The following ADGRL2 variants were observed in gnomAD, a reference collection of about 807,000 sequenced individuals.
The protein encoded by ADGRL2 is calcium-independent alpha-latrotoxin receptor 2.
ADGRL2 carries 44 observed loss-of-function variants against 157.4 expected under a neutral mutation model. The ratio of observed to expected loss-of-function variants is 0.28; its 90% CI spans 0.22 to 0.36. The LOEUF is 0.36. Among genes scored for constraint, ADGRL2 ranks in the 10% least tolerant of loss-of-function variants. ADGRL2 has a pLI of 1.00. For synonymous variants in ADGRL2, 585 were observed against 624.7 expected, an observed-to-expected ratio of 0.94 and a Z score of 0.95; for missense variants, 1,510 against 1,768.9, an observed-to-expected ratio of 0.85 and a Z score of 2.63.
In ADGRL2 at chr1:81,992,039, C is replaced by G. The variant is rs749942942; in HGVS notation, c.*894C>G. 5 of 152,422 alleles carry G rather than the reference C, an allele frequency of 3.3e-5. No homozygotes were observed. The highest frequency in any genetic ancestry group is 1.3e-4 in the Admixed American group (2 of 15,250). The allele number at this position is 152,422 out of a possible 1,614,324, so 9.4% of individuals were successfully genotyped here. A position where few individuals can be genotyped will look rare whatever the true frequency, so the allele number is the denominator to read the frequency against. On this transcript the variant is annotated 3_prime_UTR_variant, in exon 24 of 24. Transcript: ENST00000686636. The stretch of plus-strand genomic sequence containing the variant: ...AAAGAACGTGTTTTATGGGGAGAAA[C>G]AAACTCTTTGAAGCCAGTTATGTCA...
At chr1:81,614,078 T>G (rs2081595558) in intron 3 of ADGRL2, among the ~76,000 whole-genome samples, 1 of 152,190 alleles carries the variant, frequency 6.6e-6, no homozygotes, top group Non-Finnish European at 1.5e-5. Context: ...ACACTTCCAC[T>G]TAGTTCAATA....
chr1:81,337,410 T>C (rs575048249), intron 1 of ADGRL2, among the ~76,000 whole-genome samples: 31 of 152,242 alleles, frequency 2.0e-4, no homozygotes, highest in Middle Eastern at 3.4e-3. Flanking sequence ...GAAGCGCTCA[T>C]CCCAGACCCT....
intron 1 of ADGRL2, among the ~76,000 whole-genome samples, chr1:81,309,372 A>G (rs1239277430): frequency 6.6e-6 from 1 of 152,146 alleles, no homozygotes; most frequent in Non-Finnish European, 1.5e-5. Context: ...CATTTCAAAG[A>G]TAAAGAGAGG....
intron 3 of ADGRL2, among the ~76,000 whole-genome samples, chr1:81,611,877 C>T (rs2081548152): frequency 1.3e-5 from 2 of 152,042 alleles, no homozygotes; most frequent in Non-Finnish European, 1.5e-5. Flanking sequence ...ATGCTGTTCT[C>T]GTGCTGGTGA....
intron 1 of ADGRL2, among the ~76,000 whole-genome samples, chr1:81,396,843 AT>A (rs1189082083): frequency 2.6e-5 from 4 of 152,200 alleles, no homozygotes; most frequent in Non-Finnish European, 4.4e-5. Flanking sequence ...ATCATGTTGA[AT>A]AGCTTTTTCA....
chr1:81,819,271 G>C (rs553354686), intron 1 of ADGRL2, among the ~76,000 whole-genome samples: 5 of 152,152 alleles, frequency 3.3e-5, no homozygotes, highest in East Asian at 1.9e-4. Flanking sequence ...GATTGAATGC[G>C]AGGTAAAGGA....
At chr1:81,693,674 C>T (rs777098905) in intron 3 of ADGRL2, among the ~76,000 whole-genome samples, 9 of 152,112 alleles carry the variant, frequency 5.9e-5, no homozygotes, top group Admixed American at 1.3e-4. Flanking sequence ...ATTTATTTGT[C>T]AAAAATGTTC....
intron 2 of ADGRL2, among the ~76,000 whole-genome samples, chr1:81,470,453 C>T (rs139006774): frequency 1.3e-4 from 20 of 152,246 alleles, no homozygotes; most frequent in African/African-American, 3.4e-4. Flanking sequence ...CTTTCTTGTT[C>T]GCATGCCCTT....
chr1:81,849,357 CA>C (rs1314893586), intron 2 of ADGRL2, among the ~76,000 whole-genome samples: 1 of 151,826 alleles, frequency 6.6e-6, no homozygotes, highest in African/African-American at 2.4e-5. Flanking sequence ...TGTTAAGCAA[CA>C]ATAAAACCCC....
At chr1:81,617,619 T>C (rs900349495) in intron 3 of ADGRL2, among the ~76,000 whole-genome samples, 2 of 152,260 alleles carry the variant, frequency 1.3e-5, no homozygotes, top group African/African-American at 4.8e-5. Flanking sequence ...TTTACAATTA[T>C]ATCATTGATA....
intron 2 of ADGRL2, among the ~76,000 whole-genome samples, chr1:81,876,679 C>G (rs866024850): frequency 6.6e-6 from 1 of 152,026 alleles, no homozygotes; most frequent in Non-Finnish European, 1.5e-5. Context: ...ATTTGTGACT[C>G]GAGGGATCAG....
At chr1:81,722,891 A>G in intron 1 of ADGRL2, 2 of 722,616 alleles carry the variant, frequency 2.8e-6, no homozygotes, top group Non-Finnish European at 5.0e-6. Flanking sequence ...AATGGCCAGA[A>G]TGCCTGGACT....
intron 3 of ADGRL2, among the ~76,000 whole-genome samples, chr1:81,670,925 G>C (rs927422727): frequency 6.6e-6 from 1 of 152,182 alleles, no homozygotes; most frequent in Non-Finnish European, 1.5e-5. Context: ...GCCCAGGCTG[G>C]TCTCAAACTC....
chr1:81,586,646 G>C (rs1333219366), intron 3 of ADGRL2, among the ~76,000 whole-genome samples: 1 of 152,050 alleles, frequency 6.6e-6, no homozygotes, highest in African/African-American at 2.4e-5. Flanking sequence ...AATGTAAAAA[G>C]CATCACTTTC....
chr1:81,482,705 TTAGA>T (rs1374219360), intron 2 of ADGRL2, among the ~76,000 whole-genome samples: 1 of 152,074 alleles, frequency 6.6e-6, no homozygotes, highest in Non-Finnish European at 1.5e-5. Context: ...ACAGGAGATA[TTAGA>T]TAGGGTTCCA....
intron 2 of ADGRL2, among the ~76,000 whole-genome samples, chr1:81,498,752 C>A (rs1274673622): frequency 1.3e-5 from 2 of 151,876 alleles, no homozygotes; most frequent in African/African-American, 2.4e-5. Context: ...GAAAAATAAA[C>A]TCACCAAAAC....
intron 2 of ADGRL2, among the ~76,000 whole-genome samples, chr1:81,845,672 A>T (rs893571808): frequency 3.4e-5 from 5 of 145,606 alleles, no homozygotes; most frequent in Non-Finnish European, 7.6e-5. Flanking sequence ...TGTATTGCTA[A>T]TACTTTTCTT....
intron 1 of ADGRL2, among the ~76,000 whole-genome samples, chr1:81,405,710 A>G (rs988367771): frequency 2.0e-5 from 3 of 152,054 alleles, no homozygotes; most frequent in African/African-American, 7.2e-5. Context: ...CAAAATAATA[A>G]TAGGGATTAT....
intron 1 of ADGRL2, among the ~76,000 whole-genome samples, chr1:81,719,717 T>A (rs899099927): frequency 6.6e-6 from 1 of 152,182 alleles, no homozygotes; most frequent in African/African-American, 2.4e-5. Flanking sequence ...GTGCATCATA[T>A]ATCATCCCTT....
Sources: allele counts gnomAD v4.1 joint callset (sites outside exome capture counted in the v4.1 genomes callset), GRCh38; gene constraint gnomAD v4.1.1; transcripts MANE v1.5; gene names NCBI Gene and HGNC (gene_info 2026-07-23, HGNC 2026-07-21).